PTPRN2: variants seen among roughly 807,000 people sequenced by gnomAD.
The protein encoded by PTPRN2 is protein tyrosine phosphatase receptor type N2.
In PTPRN2, 74 loss-of-function variants were observed where a neutral mutation model predicts 118.8. The ratio of observed to expected loss-of-function variants is 0.62; its 90% confidence interval spans 0.52 to 0.76. The LOEUF (loss-of-function observed/expected upper bound fraction) is 0.76, where lower values mean the gene tolerates loss of function less well. Among genes scored for constraint, PTPRN2 ranks in the 30% least tolerant of loss-of-function variants. The pLI, the probability that PTPRN2 is intolerant of heterozygous loss-of-function variation, is 0.00. For synonymous variants in PTPRN2, 641 were observed against 608.0 expected (o/e 1.05, Z -0.80); for missense variants, 1,481 against 1,394.4 (o/e 1.06, Z -0.99).
At chr7:158,050,761 C>T (rs927275410) in intron 11 of PTPRN2, among the ~76,000 whole-genome samples, 4 of 152,272 alleles carry the variant, frequency 2.6e-5, no homozygotes, top group Middle Eastern at 3.2e-3. Context: ...ATGCCAGTCT[C>T]CATCTCCTCA....
At chr7:157,717,124 G>A (rs1200120837) in intron 12 of PTPRN2, among the ~76,000 whole-genome samples, 1 of 152,240 alleles carries the variant, frequency 6.6e-6, no homozygotes, top group African/African-American at 2.4e-5. Flanking sequence ...ACCTCTCACT[G>A]CACGGGGACT....
In PTPRN2 at chr7:158,533,466, G is replaced by C. The variant is rs76263467; in HGVS notation, c.113-43681C>G. Among the ~76,000 whole-genome samples the C allele has an allele frequency of 8.0e-3, 1,217 of 152,300 alleles. 5 individuals are homozygous for C. The highest frequency in any genetic ancestry group is 0.012 in the Non-Finnish European group (813 of 68,026). On this transcript the variant is annotated intron_variant, in intron 1 of 22. Coordinates refer to ENST00000389418, the MANE Select transcript of PTPRN2 (RefSeq NM_002847.5). ...TTTGCCTTCCACTGAGTGGCCCAAC[G>C]TGGAGTGCTAGGAAGCCATCAGGAG...
At chr7:157,840,793 C>T (rs576936517) in intron 12 of PTPRN2, among the ~76,000 whole-genome samples, 122 of 152,364 alleles carry the variant, frequency 8.0e-4, no homozygotes, top group African/African-American at 2.8e-3. Context: ...TTGTTTCTTC[C>T]TGGTCTCAGG....
chr7:158,558,975 G>A (rs957735032), intron 1 of PTPRN2, among the ~76,000 whole-genome samples: 8 of 152,074 alleles, frequency 5.3e-5, no homozygotes, highest in Non-Finnish European at 1.2e-4. Context: ...CCCGAGGTCT[G>A]CAGGCAGCAG....
chr7:158,251,718 G>A (rs1227969370), intron 3 of PTPRN2, among the ~76,000 whole-genome samples: 1 of 151,644 alleles, frequency 6.6e-6, no homozygotes. Context: ...GGATGTCTAT[G>A]GTGCACGTGT....
rs945319529 is a variant in PTPRN2, at chr7:158,565,311, A to AGGGAACTTTGCAAATTACC, written c.112+22228_112+22246dup. On this transcript the variant is annotated intron_variant, in intron 1 of 22. Coordinates refer to ENST00000389418, the MANE Select transcript of PTPRN2 (RefSeq NM_002847.5). This position sits in a 1 kb window ranked among gnomAD's most constrained non-coding sequence, Gnocchi z 4.6. ...CAGCTTTTAAATACAACCACACCAA[A>AGGGAACTTTGCAAATTACC]GGGAACTTTGCAAATTACCGGGAAC... is the stretch of plus-strand genomic sequence containing the variant. Among the ~76,000 whole-genome samples the AGGGAACTTTGCAAATTACC allele has an allele frequency of 6.6e-6, 1 of 152,208 alleles. No individual in the cohort carries two copies. Among genetic ancestry groups the AGGGAACTTTGCAAATTACC allele is most frequent in the African/African-American group, 2.4e-5 (1 of 41,450 alleles).
intron 1 of PTPRN2, among the ~76,000 whole-genome samples, chr7:158,547,806 C>T (rs1826392955): frequency 6.6e-6 from 1 of 152,230 alleles, no homozygotes; most frequent in African/African-American, 2.4e-5. Flanking sequence ...TGAAACACTG[C>T]ACTCAAGAGC....
intron 3 of PTPRN2, among the ~76,000 whole-genome samples, chr7:158,267,393 C>A (rs1797957787): frequency 6.6e-6 from 1 of 152,200 alleles, no homozygotes; most frequent in Non-Finnish European, 1.5e-5. Context: ...CCATCTGGAG[C>A]CGCCTGGAAG....
At chr7:158,414,256 G>C (rs1220863260) in intron 2 of PTPRN2, among the ~76,000 whole-genome samples, 1 of 151,998 alleles carries the variant, frequency 6.6e-6, no homozygotes, top group African/African-American at 2.4e-5. Flanking sequence ...CCAGGAGTGA[G>C]GACAGCAGCA....
intron 3 of PTPRN2, among the ~76,000 whole-genome samples, chr7:158,273,471 C>A (rs1798663934): frequency 7.7e-6 from 1 of 129,740 alleles, no homozygotes; most frequent in East Asian, 2.1e-4. Context: ...CAGGGGGAGC[C>A]GCAGGCACAG....
chr7:157,662,198 C>T (rs1414958098), intron 13 of PTPRN2, among the ~76,000 whole-genome samples: 4 of 152,114 alleles, frequency 2.6e-5, no homozygotes, highest in South Asian at 2.1e-4. Flanking sequence ...ATAATGGTAC[C>T]GACTTCACCG....
At chr7:158,423,099 C>A (rs190377537) in intron 2 of PTPRN2, among the ~76,000 whole-genome samples, 2 of 152,240 alleles carry the variant, frequency 1.3e-5, no homozygotes, top group African/African-American at 4.8e-5. Flanking sequence ...GGTGACACCA[C>A]AAAATGCAAA....
intron 3 of PTPRN2, among the ~76,000 whole-genome samples, chr7:158,252,027 GCCT>G (rs966114091): frequency 7.2e-5 from 11 of 152,130 alleles, no homozygotes; most frequent in Non-Finnish European, 1.0e-4. Context: ...CTTGGCTCTG[GCCT>G]CCTCATCGTC....
At chr7:158,261,083 G>T (rs941459207) in intron 3 of PTPRN2, among the ~76,000 whole-genome samples, 2 of 152,162 alleles carry the variant, frequency 1.3e-5, no homozygotes, top group Admixed American at 6.5e-5. Context: ...CAAGGGGGGC[G>T]TGAGGCTCCG....
At position 157,596,048 on chromosome 7, in the gene PTPRN2, G is replaced by A. The variant is rs569910293; in HGVS notation, c.2419-733C>T. Among the ~76,000 whole-genome samples the A allele has an allele frequency of 1.3e-5, 2 of 152,334 alleles. No homozygotes were observed. The highest frequency in any genetic ancestry group is 2.1e-4 in the South Asian group (1 of 4,814). On this transcript the variant is annotated intron_variant, in intron 16 of 22. Coordinates refer to ENST00000389418, the MANE Select transcript of PTPRN2 (RefSeq NM_002847.5). The surrounding 1 kb of genome is among the most constrained non-coding windows in gnomAD (Gnocchi z 4.2). ...CCCACCCAGGCTGCCCTGTGTTCAG[G>A]AGAACGAGCCTCTTGCTAGAGCCAC...
intron 3 of PTPRN2, among the ~76,000 whole-genome samples, chr7:158,218,956 A>G (rs1397757283): frequency 1.3e-5 from 2 of 152,200 alleles, no homozygotes; most frequent in African/African-American, 2.4e-5. Flanking sequence ...AGACCTATAA[A>G]GAGACATAAA....
intron 2 of PTPRN2, among the ~76,000 whole-genome samples, chr7:158,470,704 GT>G (rs1188800312): frequency 1.9e-4 from 29 of 152,212 alleles, no homozygotes; most frequent in African/African-American, 6.5e-4. Flanking sequence ...AATGTATACA[GT>G]GGGAGGTGAG....
In PTPRN2 at chr7:157,903,589, G is replaced by T. The variant is rs140886225; in HGVS notation, c.1724-4852C>A. Among the ~76,000 whole-genome samples the T allele has an allele frequency of 6.6e-6, 1 of 151,742 alleles. No homozygotes were observed. The highest frequency in any genetic ancestry group is 2.4e-5 in the African/African-American group (1 of 41,384). On this transcript the variant is annotated intron_variant, in intron 11 of 22. Coordinates refer to ENST00000389418, the MANE Select transcript of PTPRN2 (RefSeq NM_002847.5). This position sits in a 1 kb window ranked among gnomAD's most constrained non-coding sequence, Gnocchi z 4.2. Reference sequence around the variant, plus strand: ...GGACCTTTTAAAATGTAGTTCAGTCGGTTTAAATCAGCGATTGAAGCAAAC... The same window carrying T: ...GGACCTTTTAAAATGTAGTTCAGTCTGTTTAAATCAGCGATTGAAGCAAAC...
Position 157,801,793 on chromosome 7 carries a change from G to C in PTPRN2, c.1788+96880C>G, listed in dbSNP as rs866941662. On this transcript the variant is annotated intron_variant, in intron 12 of 22. Transcript: ENST00000389418. The surrounding 1 kb of genome is among the most constrained non-coding windows in gnomAD (Gnocchi z 4.2). Reference sequence around the variant, plus strand: ...CGCTTAGTGGAAGAACAGAACGGCCGCACAGAAAGTGCTTGGTCCTTGGCT... The same window carrying C: ...CGCTTAGTGGAAGAACAGAACGGCCCCACAGAAAGTGCTTGGTCCTTGGCT... Among the ~76,000 whole-genome samples, 1 of 152,152 alleles carries C rather than the reference G, an allele frequency of 6.6e-6. No homozygotes were observed. Among genetic ancestry groups the C allele is most frequent in the Non-Finnish European group, 1.5e-5 (1 of 68,020 alleles).
Sources: allele counts gnomAD v4.1 joint callset (sites outside exome capture counted in the v4.1 genomes callset), GRCh38; gene constraint gnomAD v4.1.1; non-coding constraint Gnocchi (gnomAD v3.1); transcripts MANE v1.5; gene names NCBI Gene and HGNC (gene_info 2026-07-23, HGNC 2026-07-21).